KANSL1L: variants seen among roughly 807,000 people sequenced by gnomAD.
The protein encoded by KANSL1L is KAT8 regulatory NSL complex subunit 1 like.
Under a neutral mutation model 108.6 loss-of-function variants are expected in KANSL1L, and 25 were observed. The observed-to-expected ratio is 0.23, with a 90% confidence interval of 0.17 to 0.32. The LOEUF is 0.32. Among genes scored for constraint, KANSL1L ranks in the 10% least tolerant of loss-of-function variants. The pLI is 1.00. For missense variants in KANSL1L, 1,137 were observed against 1,125.7 expected, an observed-to-expected ratio of 1.01 and a Z score of -0.14; for synonymous variants, 405 against 395.1, an observed-to-expected ratio of 1.03 and a Z score of -0.30.
chr2:210,064,078 C>G (rs561138025), intron 6 of KANSL1L: 3 of 152,242 alleles, frequency 2.0e-5, no homozygotes, highest in South Asian at 4.1e-4. Context: ...CTCACAAGAT[C>G]TGATGGTTTT....
intron 1 of KANSL1L, among the ~76,000 whole-genome samples, chr2:210,169,381 A>C (rs1688192398): frequency 6.6e-6 from 1 of 152,214 alleles, no homozygotes; most frequent in African/African-American, 2.4e-5. Flanking sequence ...TCAAAGAATA[A>C]TGATATGCGA....
In KANSL1L at chr2:210,125,337, T is replaced by A. The variant is rs187540875; in HGVS notation, c.1230+3694A>T. Among the ~76,000 whole-genome samples, 591 of 152,260 alleles carry A rather than the reference T, an allele frequency of 3.9e-3. 4 individuals carry two copies. The highest frequency in any genetic ancestry group is 7.0e-3 in the Non-Finnish European group (476 of 68,000). Reference sequence around the variant, plus strand: ...AAATTAGTAATCAAAAATCTCTTGATAAAGTAAAGCCCTGAATCTGATGAC... The same window carrying A: ...AAATTAGTAATCAAAAATCTCTTGAAAAAGTAAAGCCCTGAATCTGATGAC... On this transcript the variant is annotated intron_variant, in intron 3 of 14. Transcript: ENST00000281772.
chr2:210,117,560 G>C (rs549848651), intron 3 of KANSL1L, among the ~76,000 whole-genome samples: 1 of 152,204 alleles, frequency 6.6e-6, no homozygotes, highest in East Asian at 1.9e-4. Flanking sequence ...CTTCTCAGGG[G>C]AAACCTTACA....
intron 6 of KANSL1L, among the ~76,000 whole-genome samples, chr2:210,070,506 A>T (rs1407966526): frequency 6.6e-6 from 1 of 152,110 alleles, no homozygotes; most frequent in African/African-American, 2.4e-5. Context: ...CTGGGATTAC[A>T]GGCGTGAGCC....
intron 6 of KANSL1L, among the ~76,000 whole-genome samples, chr2:210,066,952 C>T (rs961059183): frequency 2.6e-5 from 4 of 152,172 alleles, no homozygotes; most frequent in Non-Finnish European, 5.9e-5. Flanking sequence ...AACAGATTAA[C>T]ATTTGAATCA....
At position 210,022,593 on chromosome 2, in the gene KANSL1L, C is replaced by A; in HGVS notation, c.*356G>T. ...ATAAAAAAATAGCTGTCACTTGGCA[C>A]ACAGGTTTGTATGTATGTGTATATA... On this transcript the variant is annotated 3_prime_UTR_variant, in exon 15 of 15. Transcript: ENST00000281772. 1 of 179,030 alleles carries A rather than the reference C, an allele frequency of 5.6e-6. No homozygotes were observed. Among genetic ancestry groups the A allele is most frequent in the Non-Finnish European group, 1.2e-5 (1 of 84,720 alleles). The allele number at this position is 179,030 out of a possible 1,614,324, so 11.1% of individuals were successfully genotyped here.
chr2:210,146,628 C>A (rs942918178), intron 2 of KANSL1L, among the ~76,000 whole-genome samples: 1 of 152,114 alleles, frequency 6.6e-6, no homozygotes, highest in South Asian at 2.1e-4. Context: ...GTTATGATCA[C>A]CTGTAGAGTT....
At chr2:210,085,772 C>T (rs987199967) in intron 5 of KANSL1L, among the ~76,000 whole-genome samples, 3 of 151,408 alleles carry the variant, frequency 2.0e-5, no homozygotes, top group Admixed American at 1.3e-4. Flanking sequence ...TTTCTACATA[C>T]ATAATTTTGT....
chr2:210,038,180 A>AT (rs2094128345), intron 8 of KANSL1L, among the ~76,000 whole-genome samples: 5 of 152,068 alleles, frequency 3.3e-5, no homozygotes. Context: ...ACATGTTAAG[A>AT]TGAATACAGT....
At chr2:210,083,565 A>C (rs1186275565) in intron 5 of KANSL1L, among the ~76,000 whole-genome samples, 1 of 152,150 alleles carries the variant, frequency 6.6e-6, no homozygotes, top group Non-Finnish European at 1.5e-5. Flanking sequence ...TATTCAGATA[A>C]CCCAATGGCA....
At chr2:210,122,336 A>T (rs1445910165) in intron 3 of KANSL1L, among the ~76,000 whole-genome samples, 2 of 152,156 alleles carry the variant, frequency 1.3e-5, no homozygotes, top group African/African-American at 2.4e-5. Context: ...AAAAATAGAC[A>T]CACAGACCAA....
chr2:210,072,711 G>A (rs2094516258), intron 6 of KANSL1L, among the ~76,000 whole-genome samples: 1 of 152,104 alleles, frequency 6.6e-6, no homozygotes, highest in Admixed American at 6.6e-5. Flanking sequence ...GGTAATGCTC[G>A]CTCAGCTGCT....
chr2:210,137,840 A>C (rs1045798892), intron 2 of KANSL1L, among the ~76,000 whole-genome samples: 1 of 152,100 alleles, frequency 6.6e-6, no homozygotes, highest in Admixed American at 6.6e-5. Flanking sequence ...AGACCAGACT[A>C]AGCAGCACAG....
At chr2:210,107,116 G>T (rs1244995983) in intron 3 of KANSL1L, among the ~76,000 whole-genome samples, 1 of 152,126 alleles carries the variant, frequency 6.6e-6, no homozygotes, top group Non-Finnish European at 1.5e-5. Flanking sequence ...CTGTTTCTGA[G>T]AAGAGAAATC....
intron 1 of KANSL1L, among the ~76,000 whole-genome samples, chr2:210,162,325 A>G (rs2125676094): frequency 6.6e-6 from 1 of 150,792 alleles, no homozygotes; most frequent in South Asian, 2.1e-4. Context: ...AACAGGAATT[A>G]AGGGAAAGGA....
At chr2:210,030,980 T>A (rs2094008242) in intron 9 of KANSL1L, 1 of 152,434 alleles carries the variant, frequency 6.6e-6, no homozygotes, top group Non-Finnish European at 1.5e-5. Context: ...TCTTATTAGA[T>A]GTTTTTAAAG....
chr2:210,169,038 G>A (rs1688166774), intron 1 of KANSL1L, among the ~76,000 whole-genome samples: 1 of 152,090 alleles, frequency 6.6e-6, no homozygotes, highest in African/African-American at 2.4e-5. Context: ...TAGTTTTAAA[G>A]CCTAATACTA....
chr2:210,135,702 T>C (rs2095167278), intron 2 of KANSL1L, among the ~76,000 whole-genome samples: 1 of 152,152 alleles, frequency 6.6e-6, no homozygotes, highest in Non-Finnish European at 1.5e-5. Context: ...GTAAAGCATA[T>C]CTAATTCTTG....
intron 1 of KANSL1L, among the ~76,000 whole-genome samples, chr2:210,162,729 C>T (rs78722072): frequency 1.3e-5 from 2 of 151,834 alleles, no homozygotes; most frequent in African/African-American, 2.4e-5. Flanking sequence ...AAAAGATCAT[C>T]GAGATAGGAG....
Sources: allele counts gnomAD v4.1 joint callset (sites outside exome capture counted in the v4.1 genomes callset), GRCh38; gene constraint gnomAD v4.1.1; transcripts MANE v1.5; gene names NCBI Gene and HGNC (gene_info 2026-07-23, HGNC 2026-07-21).